The following CELSR3 variants were observed in gnomAD, a reference collection of about 807,000 sequenced individuals.
The protein encoded by CELSR3 is EGF-like protein 1.
A neutral mutation model predicts 270.0 loss-of-function variants in CELSR3; 73 were observed. The ratio of observed to expected loss-of-function variants is 0.27; its 90% CI spans 0.22 to 0.33. The LOEUF (loss-of-function observed/expected upper bound fraction) is 0.33. CELSR3 is among the 10% of genes least tolerant of loss of function. CELSR3 has a pLI of 1.00. For synonymous variants in CELSR3, 1,780 were observed against 1,905.4 expected (o/e 0.93, Z 1.71); for missense variants, 3,614 against 4,533.8 (o/e 0.80, Z 5.83).
rs920502718 is a variant in CELSR3 at position 48,662,834 on chromosome 3, T to A, written c.-200A>T. Reference sequence around the variant, plus strand: ...CCTCCGGCGTGCGGCCCTGGCTTTTTCCGCCCCCACCACAGCATCCCCGAC... The same window carrying A: ...CCTCCGGCGTGCGGCCCTGGCTTTTACCGCCCCCACCACAGCATCCCCGAC... On this transcript the variant is annotated 5_prime_UTR_variant, in exon 1 of 35. The change creates a premature stop within an existing upstream ORF in the 5' untranslated region. Coordinates refer to ENST00000164024, the MANE Select transcript of CELSR3 (RefSeq NM_001407.3). The surrounding 1 kb of genome is among the most constrained non-coding windows in gnomAD (Gnocchi z 7.1). 3.2e-6 allele frequency: 1 copy of A among 313,488 alleles called. No individual in the cohort carries two copies. Among genetic ancestry groups the A allele is most frequent in the Non-Finnish European group, 5.8e-6 (1 of 170,944 alleles). The allele number at this position is 313,488 out of a possible 1,614,324, so 19.4% of individuals were successfully genotyped here. A position where few individuals can be genotyped will look rare whatever the true frequency, so the allele number is the denominator to read the frequency against.
At position 48,655,901 on chromosome 3, in the gene CELSR3, T is replaced by C; in HGVS notation, c.4626-50A>G. The C allele has an allele frequency of 7.2e-7, 1 of 1,382,388 alleles. No homozygotes were observed. The highest frequency in any genetic ancestry group is 2.5e-5 in the East Asian group (1 of 40,802). 85.6% of individuals were successfully genotyped at this position (1,382,388 alleles called of 1,614,324 possible). A position where few individuals can be genotyped will look rare whatever the true frequency, so the allele number is the denominator to read the frequency against. ...GGGGGTGGGAGCGTCAGGAGCAGGG[T>C]ACCACTTCACACCCACCATCCCTGC... is the stretch of plus-strand genomic sequence containing the variant. On this transcript the variant is annotated intron_variant, in intron 3 of 34. Coordinates refer to ENST00000164024, the MANE Select transcript of CELSR3 (RefSeq NM_001407.3). The surrounding 1 kb of genome is among the most constrained non-coding windows in gnomAD (Gnocchi z 5.8).
intron 18 of CELSR3, 54 bp from the exon 19 acceptor site, chr3:48,648,515 G>A: frequency 6.8e-7 from 1 of 1,472,344 alleles, no homozygotes; most frequent in Non-Finnish European, 9.0e-7. Flanking sequence ...ATGTATGAGG[G>A]GATAGGGCAG....
At position 48,639,559 on chromosome 3, in the gene CELSR3, A is replaced by T. The variant is rs2047002828; in HGVS notation, c.9911+115T>A. ...CCTCTGGCTGTGCTGAGCCTGGGGT[A>T]GCCCACACCTGTCTGCCAGCCCTCA... On this transcript the variant is annotated intron_variant, in intron 34 of 34. Transcript: ENST00000164024. This position sits in a 1 kb window ranked among gnomAD's most constrained non-coding sequence, Gnocchi z 4.1. 1 of 1,390,062 alleles carries T rather than the reference A, an allele frequency of 7.2e-7. No homozygotes were observed. Among genetic ancestry groups the T allele is most frequent in the African/African-American group, 1.4e-5 (1 of 69,706 alleles). 86.1% of individuals were successfully genotyped at this position (1,390,062 alleles called of 1,614,324 possible).
In CELSR3 at chr3:48,641,127, T is replaced by A; in HGVS notation, c.9025+197A>T. The A allele has an allele frequency of 3.5e-6, 2 of 575,764 alleles. No individual in the cohort carries two copies. The highest frequency in any genetic ancestry group is 6.2e-6 in the Non-Finnish European group (2 of 322,444). 35.7% of individuals were successfully genotyped at this position (575,764 alleles called of 1,614,324 possible). ...GGTCCCCCTGTGGTGCTGGCCAGGGTAGAGGGGGACAGAGAATTCCCAGGT... is the reference window on the plus strand; with the variant it reads ...GGTCCCCCTGTGGTGCTGGCCAGGGAAGAGGGGGACAGAGAATTCCCAGGT... On this transcript the variant is annotated intron_variant, in intron 33 of 34. Transcript: ENST00000164024. The surrounding 1 kb of genome is among the most constrained non-coding windows in gnomAD (Gnocchi z 4.8).
intron 19 of CELSR3, 108 bp from the exon 20 acceptor site, chr3:48,648,104 T>C: frequency 6.7e-7 from 1 of 1,483,340 alleles, no homozygotes. Context: ...ATCTGTTTTC[T>C]GTGCTACCAG....
chr3:48,640,740 C>G lies in CELSR3; in HGVS notation c.9026-181G>C. ...CCCAGAGAGGCAGCAGGACAGGGGT[C>G]AGAGTGGAAGGGCAGTCATCTTCCA... On this transcript the variant is annotated intron_variant, in intron 33 of 34. Transcript: ENST00000164024. The surrounding 1 kb of genome is among the most constrained non-coding windows in gnomAD (Gnocchi z 7.5). The G allele has an allele frequency of 5.0e-6, 3 of 595,872 alleles. No homozygotes were observed. The highest frequency in any genetic ancestry group is 2.4e-5 in the South Asian group (1 of 40,956). The allele number at this position is 595,872 out of a possible 1,614,324, so 36.9% of individuals were successfully genotyped here. A position where few individuals can be genotyped will look rare whatever the true frequency, so the allele number is the denominator to read the frequency against.
rs989783935 is a variant in CELSR3 at position 48,660,956 on chromosome 3, G to C, written c.1679C>G (p.Pro560Arg). 2.5e-6 allele frequency: 4 copies of C among 1,613,794 alleles called. No homozygotes were observed. The African/African-American group carries it at 5.3e-5, about 22-fold the overall frequency. Residue 560 changes from proline to arginine, a missense_variant, in exon 1 of 35, where the codon CCC becomes CGC. Pro to Arg is a moderately radical substitution (Grantham distance 103). Transcript: ENST00000164024. The surrounding 1 kb of genome is among the most constrained non-coding windows in gnomAD (Gnocchi z 5.5). ...YVAQVREDVR[P>R]HTVVLRVTAT... ...CGTGACGCGCAGCACGACTGTGTGG[G>C]GGCGCACATCCTCGCGCACCTGCGC...
rs1018344838 is a variant in CELSR3, at chr3:48,648,300, G to A, written c.6939C>T (p.Tyr2313=). The A allele has an allele frequency of 3.7e-6, 6 of 1,611,938 alleles. No homozygotes were observed. In the African/African-American group the frequency reaches 5.3e-5, roughly 14 times the overall value. ...GCGTCACCAGCCCCATGGGATTCAG[G>A]TATGTGAGTTCCATATTCCTTGCGA... ...ATLARNMELT[Y]LNPMGLVTPN... Residue 2313 remains tyrosine, a synonymous_variant, in exon 19 of 35, where the codon TAC becomes TAT. Transcript: ENST00000164024.
rs2047154461 is a variant in CELSR3, at chr3:48,653,403, C to T, written c.5448+216G>A. On this transcript the variant is annotated intron_variant, in intron 9 of 34. Transcript: ENST00000164024. The surrounding 1 kb of genome is among the most constrained non-coding windows in gnomAD (Gnocchi z 6.5). ...ACCAGGTGTTGTGGGTGGGTTGGTGCAGCTTGCATAAGAGAGAGCTATGCT... is the reference window on the plus strand; with the variant it reads ...ACCAGGTGTTGTGGGTGGGTTGGTGTAGCTTGCATAAGAGAGAGCTATGCT... Among the ~76,000 whole-genome samples the T allele has an allele frequency of 6.6e-6, 1 of 152,146 alleles. No homozygotes were observed. The highest frequency in any genetic ancestry group is 2.4e-5 in the African/African-American group (1 of 41,424).
In CELSR3 at chr3:48,642,600, G is replaced by C. The variant is rs1002642902; in HGVS notation, c.8556-133C>G. Reference sequence around the variant, plus strand: ...GGGTGTGTGTGGTGGGAAGCATTTAGGGCAGAGGCAGAAGCAGGGCCCCAG... The same window carrying C: ...GGGTGTGTGTGGTGGGAAGCATTTACGGCAGAGGCAGAAGCAGGGCCCCAG... On this transcript the variant is annotated intron_variant, in intron 30 of 34. Coordinates refer to ENST00000164024, the MANE Select transcript of CELSR3 (RefSeq NM_001407.3). This position sits in a 1 kb window ranked among gnomAD's most constrained non-coding sequence, Gnocchi z 6.1. 2.1e-6 allele frequency: 3 copies of C among 1,440,120 alleles called. No homozygotes were observed. The African/African-American group carries it at 4.2e-5, about 20-fold the overall frequency. The allele number at this position is 1,440,120 out of a possible 1,614,324, so 89.2% of individuals were successfully genotyped here. A position where few individuals can be genotyped will look rare whatever the true frequency, so the allele number is the denominator to read the frequency against.
At position 48,646,907 on chromosome 3, in the gene CELSR3, A is replaced by G; in HGVS notation, c.7151T>C (p.Ile2384Thr). 1 of 1,556,110 alleles carries G rather than the reference A, an allele frequency of 6.4e-7. No individual in the cohort carries two copies. Among genetic ancestry groups the G allele is most frequent in the Non-Finnish European group, 8.6e-7 (1 of 1,156,642 alleles). Residue 2384 changes from isoleucine to threonine, a missense_variant, in exon 21 of 35, where the codon ATA (isoleucine) becomes ACA (threonine). Physicochemically the swap from Ile to Thr is moderately conservative, Grantham distance 89. Coordinates refer to ENST00000164024, the MANE Select transcript of CELSR3 (RefSeq NM_001407.3). The surrounding 1 kb of genome is among the most constrained non-coding windows in gnomAD (Gnocchi z 4.8). ...CACACTTGAGGTGGTGGAGTTTTCT[A>G]TGCTGCTGCTTGTGGGCAGAACTGC... ...PSEVLPTSSS[I>T]ENSTTSSVVP...
At position 48,654,935 on chromosome 3, in the gene CELSR3, G is replaced by C; in HGVS notation, c.4988+109C>G. ...GAGGAGAGGGGAATCTTGGTGGTTT[G>C]GGGGAAAGATGGGAGAGTTTGGCAG... On this transcript the variant is annotated intron_variant, in intron 6 of 34. Transcript: ENST00000164024. This position sits in a 1 kb window ranked among gnomAD's most constrained non-coding sequence, Gnocchi z 5.4. The C allele has an allele frequency of 8.7e-7, 1 of 1,152,078 alleles. No homozygotes were observed. Among genetic ancestry groups the C allele is most frequent in the Non-Finnish European group, 1.3e-6 (1 of 777,928 alleles). 71.4% of individuals were successfully genotyped at this position (1,152,078 alleles called of 1,614,324 possible).
intron 20 of CELSR3, 142 bp downstream of exon 20, chr3:48,647,699 G>A: frequency 1.3e-6 from 1 of 751,938 alleles, no homozygotes; most frequent in Admixed American, 2.3e-5. Flanking sequence ...GGAAATATGG[G>A]AGGGAGGGTG....
chr3:48,652,619 GTCAGTCTTGGCCT>G lies in CELSR3; in HGVS notation c.5635-79_5635-67del. The G allele has an allele frequency of 7.8e-7, 1 of 1,289,688 alleles. No homozygotes were observed. The highest frequency in any genetic ancestry group is 1.1e-6 in the Non-Finnish European group (1 of 923,452). 79.9% of individuals were successfully genotyped at this position (1,289,688 alleles called of 1,614,324 possible). A position where few individuals can be genotyped will look rare whatever the true frequency, so the allele number is the denominator to read the frequency against. ...TGATGAACCCCTGTCATAGCCCAGA[GTCAGTCTTGGCCT>G]TCTTCTAGCCCTTCTAGGCTGCCCC... On this transcript the variant is annotated intron_variant, in intron 10 of 34. Transcript: ENST00000164024. This position sits in a 1 kb window ranked among gnomAD's most constrained non-coding sequence, Gnocchi z 4.3.
chr3:48,648,238 G>GGCCCCCCCCACCCCCCCCCCCACC, intron 19 of CELSR3, 28 bp downstream of exon 19: 1 of 1,342,630 alleles, frequency 7.4e-7, no homozygotes, highest in Non-Finnish European at 1.1e-6. Flanking sequence ...CCCCTGCTGT[G>GGCCCCCCCCACCCCCCCCCCCACC]CCCCGCCCTA....
In CELSR3 at chr3:48,648,707, G is replaced by A. The variant is rs768389167; in HGVS notation, c.6777+12C>T. ...GGGGCCAAGGCACTGAGAACATAGG[G>A]CACAGCCCCACCTCATTGAAGTGGG... is the stretch of plus-strand genomic sequence containing the variant. On this transcript the variant is annotated intron_variant, in intron 18 of 34. Coordinates refer to ENST00000164024, the MANE Select transcript of CELSR3 (RefSeq NM_001407.3). The A allele has an allele frequency of 6.8e-6, 11 of 1,607,062 alleles. No homozygotes were observed. Among genetic ancestry groups the A allele is most frequent in the Admixed American group, 5.0e-5 (3 of 59,934 alleles).
chr3:48,655,406 A>T lies in CELSR3; in HGVS notation c.4742-12T>A. On this transcript the variant is annotated splice_polypyrimidine_tract_variant and intron_variant, in intron 4 of 34. Coordinates refer to ENST00000164024, the MANE Select transcript of CELSR3 (RefSeq NM_001407.3). The surrounding 1 kb of genome is among the most constrained non-coding windows in gnomAD (Gnocchi z 5.8). ...GGTGTTGGATTCACCTGGAGGGGAG[A>T]TGCATGTGGAATCATCAGGAGCAGC... The T allele has an allele frequency of 6.2e-7, 1 of 1,613,668 alleles. No individual in the cohort carries two copies. Among genetic ancestry groups the T allele is most frequent in the Non-Finnish European group, 8.5e-7 (1 of 1,179,716 alleles).
chr3:48,641,388 C>T lies in CELSR3; in HGVS notation c.8961G>A (p.Gln2987=), dbSNP rs767687570. 4 of 1,612,690 alleles carry T rather than the reference C, an allele frequency of 2.5e-6. No individual in the cohort carries two copies. In the South Asian group the frequency reaches 4.4e-5, roughly 18 times the overall value. The change falls in exon 33 of 35, where the codon CAG becomes CAA. Residue 2987 remains glutamine (Q), a synonymous_variant. Transcript: ENST00000164024. This position sits in a 1 kb window ranked among gnomAD's most constrained non-coding sequence, Gnocchi z 4.8. ...DTSKDAANNN[Q]PDPALTSGDE... ...CCCCACTGGTCAGGGCCGGGTCTGGCTGGTTGTTGTTAGCTGCATCCTTGC... is the reference window on the plus strand; with the variant it reads ...CCCCACTGGTCAGGGCCGGGTCTGGTTGGTTGTTGTTAGCTGCATCCTTGC...
At chr3:48,643,508 T>A (rs773691833) in intron 28 of CELSR3, 46 bp downstream of exon 28, 1 of 1,539,604 alleles carries the variant, frequency 6.5e-7, no homozygotes, top group Non-Finnish European at 8.8e-7. Flanking sequence ...CCCAGCCTAC[T>A]GAAGGCCCAC....
Sources: gnomAD v4.1 joint callset for allele counts (sites outside exome capture counted in the v4.1 genomes callset) on GRCh38, gnomAD v4.1.1 for gene constraint, Gnocchi (gnomAD v3.1) non-coding constraint, MANE v1.5 for transcripts, NCBI Gene and HGNC (gene_info 2026-07-23, HGNC 2026-07-21) for gene names.